NOC4L: variants seen among roughly 807,000 people sequenced by gnomAD.
NOC4L encodes nucleolar complex associated 4 homolog.
NOC4L carries 40 observed loss-of-function variants against 62.8 expected under a neutral mutation model. That is an observed-to-expected ratio of 0.64 (90% CI 0.49 to 0.83). The LOEUF is 0.83. Ranked by LOEUF, NOC4L falls within the 40% of genes least tolerant of loss-of-function variation. The probability of loss-of-function intolerance (pLI) is 0.00; values close to 1 mark genes in which losing one functional copy is unlikely to be tolerated. For synonymous variants in NOC4L, 433 were observed against 299.8 expected, an observed-to-expected ratio of 1.44 and a Z score of -4.59; for missense variants, 927 against 701.9, an observed-to-expected ratio of 1.32 and a Z score of -3.62.
At chr12:132,147,241 G>T (rs548162456) in intron 3 of NOC4L, 40 bp from the exon 4 acceptor site, 3 of 1,419,442 alleles carry the variant, frequency 2.1e-6, no homozygotes, top group Admixed American at 2.6e-5. Flanking sequence ...CATCCGTGGG[G>T]TGAGGGCATC....
intron 4 of NOC4L, 32 bp from the exon 5 acceptor site, chr12:132,147,601 G>C (rs201201651): frequency 5.2e-5 from 84 of 1,608,884 alleles, no homozygotes; most frequent in Non-Finnish European, 7.0e-5. Context: ...ATGCTGGGCC[G>C]GGCAGGGCTG....
chr12:132,151,499 C>T lies in NOC4L; in HGVS notation c.1089C>T (p.Tyr363=). 1.2e-6 allele frequency: 2 copies of T among 1,604,254 alleles called. No homozygotes were observed. Among genetic ancestry groups the T allele is most frequent in the Non-Finnish European group, 8.5e-7 (1 of 1,179,218 alleles). ...CCCTGCCCAGCCACCTCCCCGCCTA[C>T]CTGGTGGCCGCCTTCGCCAAGCGGC... is the stretch of plus-strand genomic sequence containing the variant. The part of the protein sequence containing the change: ...LFLSSSHLPA[Y]LVAAFAKRLA... The change falls in exon 12 of 15, where the codon TAC becomes TAT. Residue 363 remains tyrosine (Y), a synonymous_variant. Coordinates refer to ENST00000330579, the MANE Select transcript of NOC4L (RefSeq NM_024078.3).
rs1230959598 is a variant in NOC4L at position 132,145,020 on chromosome 12, C to T, written c.238+46C>T. On this transcript the variant is annotated intron_variant, in intron 2 of 14. Transcript: ENST00000330579. ...GGGCTGCTCTTCTCTTTCCGTGGGT[C>T]GGAGGGAGGCTTTGTCACCATGGGA... 4 of 1,543,884 alleles carry T rather than the reference C, an allele frequency of 2.6e-6. No homozygotes were observed. In the South Asian group the frequency reaches 3.6e-5, roughly 14 times the overall value.
Position 132,151,166 on chromosome 12 carries a change from C to T in NOC4L, c.963-92C>T, listed in dbSNP as rs540301981. On this transcript the variant is annotated intron_variant, in intron 10 of 14. Coordinates refer to ENST00000330579, the MANE Select transcript of NOC4L (RefSeq NM_024078.3). ...AGGCCATGGTGTTGGAGTCCCTGGG[C>T]GGGAGGAAGGGGCGCCGAGTGAGAC... 1.0e-4 allele frequency: 147 copies of T among 1,422,784 alleles called. 1 individual carries two copies. In the South Asian group the frequency reaches 1.1e-3, roughly 11 times the overall value. 88.1% of individuals were successfully genotyped at this position (1,422,784 alleles called of 1,614,324 possible).
In NOC4L at chr12:132,145,590, G is replaced by A. The variant is rs74440366; in HGVS notation, c.270G>A (p.Val90=). Residue 90 remains valine (V), a synonymous_variant, in exon 3 of 15, where the codon GTG becomes GTA. Coordinates refer to ENST00000330579, the MANE Select transcript of NOC4L (RefSeq NM_024078.3). The part of the protein sequence containing the change: ...GSQGATRKYK[V]WMRHRYHSCC... The stretch of plus-strand genomic sequence containing the variant: ...AGGGAGCCACACGGAAGTACAAGGT[G>A]TGGATGAGACACCGCTATCACAGCT... 40 of 1,613,430 alleles carry A rather than the reference G, an allele frequency of 2.5e-5. No individual in the cohort carries two copies. In the East Asian group the frequency reaches 2.9e-4, roughly 12 times the overall value.
At chr12:132,149,133 A>G (rs79564915) in intron 9 of NOC4L, among the ~76,000 whole-genome samples, 62 of 25,838 alleles carry the variant, frequency 2.4e-3, no homozygotes, top group African/African-American at 7.1e-3. Flanking sequence ...CCGCCGCCTC[A>G]CTCCTACCAC....
intron 10 of NOC4L, 95 bp from the exon 11 acceptor site, chr12:132,151,163 G>A: frequency 2.8e-6 from 4 of 1,424,432 alleles, no homozygotes; most frequent in Non-Finnish European, 3.9e-6. Context: ...TGGAGTCCCT[G>A]GGCGGGAGGA....
In NOC4L at chr12:132,151,604, C is replaced by A; in HGVS notation, c.1194C>A (p.His398Gln). ...TCATCTGTAACCTGCTGCGCCGGCA[C>A]CCTGCCTGCCGGGTCCTCGTGCACC... Reference protein sequence around the residue: ...LPFICNLLRRHPACRVLVHRP... With the variant: ...LPFICNLLRRQPACRVLVHRP... The change falls in exon 12 of 15, where the codon CAC (histidine) becomes CAA (glutamine). Residue 398 changes from histidine (H) to glutamine (Q), a missense_variant. Transcript: ENST00000330579. The A allele has an allele frequency of 6.2e-7, 1 of 1,611,636 alleles. No individual in the cohort carries two copies. The highest frequency in any genetic ancestry group is 2.2e-5 in the East Asian group (1 of 44,842).
At chr12:132,148,528 G>C in intron 7 of NOC4L, 81 bp from the exon 8 acceptor site, 1 of 1,477,478 alleles carries the variant, frequency 6.8e-7, no homozygotes. Context: ...GCTCAGGCTG[G>C]GCTTCGGGGT....
intron 11 of NOC4L, 35 bp from the exon 12 acceptor site, chr12:132,151,449 T>C (rs1484403114): frequency 2.5e-6 from 4 of 1,599,678 alleles, no homozygotes; most frequent in African/African-American, 1.3e-5. Context: ...GGGCTAGCAG[T>C]CCGGGCCCTG....
At position 132,152,136 on chromosome 12, in the gene NOC4L, A is replaced by C; in HGVS notation, c.1370A>C (p.Asn457Thr). ...GTGTCCAAAGCCGCCAGCGTCATCA[A>C]CCAGGCCCTGTCCATGCCTGAGGTC... is the stretch of plus-strand genomic sequence containing the variant. ...PEVSKAASVINQALSMPEVSI... is the reference protein window; with the variant it reads ...PEVSKAASVITQALSMPEVSI... Residue 457 changes from asparagine (N) to threonine (T), a missense_variant, in exon 14 of 15, where the codon AAC becomes ACC. Coordinates refer to ENST00000330579, the MANE Select transcript of NOC4L (RefSeq NM_024078.3). 4 of 1,612,380 alleles carry C rather than the reference A, an allele frequency of 2.5e-6. No individual in the cohort carries two copies. The highest frequency in any genetic ancestry group is 3.4e-6 in the Non-Finnish European group (4 of 1,179,840).
Position 132,152,306 on chromosome 12 carries a change from A to C in NOC4L, c.1456A>C (p.Lys486Gln). Residue 486 changes from lysine to glutamine, a missense_variant, in exon 15 of 15, where the codon AAG (lysine) becomes CAG (glutamine). Coordinates refer to ENST00000330579, the MANE Select transcript of NOC4L (RefSeq NM_024078.3). ...YEIFERDLKK[K>Q]GPEPVPLEFI... ...GATCTTTGAGCGGGACCTGAAGAAG[A>C]AGGGGCCCGAGCCGGTGCCACTGGA... 6.4e-7 allele frequency: 1 copy of C among 1,559,750 alleles called. No individual in the cohort carries two copies. Among genetic ancestry groups the C allele is most frequent in the South Asian group, 1.2e-5 (1 of 85,396 alleles).
In NOC4L at chr12:132,144,502, C is replaced by A; in HGVS notation, c.14C>A (p.Pro5Gln). The change falls in exon 1 of 15, where the codon CCG becomes CAG. Residue 5 changes from proline (P) to glutamine (Q), a missense_variant. By Grantham distance (76) the Pro-to-Gln change is moderately conservative. Coordinates refer to ENST00000330579, the MANE Select transcript of NOC4L (RefSeq NM_024078.3). MERE[P>Q]GAAGVRRALG... Reference sequence around the variant, plus strand: ...GTTGGGGGCGGCATGGAGCGGGAGCCGGGCGCCGCGGGAGTTCGCCGGGCT... The same window carrying A: ...GTTGGGGGCGGCATGGAGCGGGAGCAGGGCGCCGCGGGAGTTCGCCGGGCT... 6.6e-7 allele frequency: 1 copy of A among 1,519,526 alleles called. No homozygotes were observed. Among genetic ancestry groups the A allele is most frequent in the East Asian group, 2.6e-5 (1 of 38,124 alleles). 94.1% of individuals were successfully genotyped at this position (1,519,526 alleles called of 1,614,324 possible).
At chr12:132,146,158 C>G (rs1323491451) in intron 3 of NOC4L, 4 of 443,616 alleles carry the variant, frequency 9.0e-6, no homozygotes, top group African/African-American at 6.0e-5. Flanking sequence ...CTTCCATATC[C>G]CGCCCCTTTC....
rs745942086 is a variant in NOC4L at position 132,144,888 on chromosome 12, G to T, written c.152G>T (p.Arg51Leu). The change falls in exon 2 of 15, where the codon CGC becomes CTC. Residue 51 changes from arginine (R) to leucine (L), a missense_variant. Transcript: ENST00000330579. ...EDQEEIQEAV[R>L]TCSRLFGALL... ...CAGGAGGAGATCCAGGAAGCAGTCC[G>T]CACGTGCAGCCGTCTTTTCGGGGCC... The T allele has an allele frequency of 1.2e-5, 20 of 1,602,012 alleles. No homozygotes were observed. The highest frequency in any genetic ancestry group is 1.6e-5 in the Non-Finnish European group (19 of 1,175,822).
intron 2 of NOC4L, 87 bp downstream of exon 2, chr12:132,145,061 C>A: frequency 6.8e-7 from 1 of 1,474,354 alleles, no homozygotes; most frequent in Non-Finnish European, 9.0e-7. Flanking sequence ...GCCCCCAACC[C>A]TGGCACAGGC....
chr12:132,151,530 C>A lies in NOC4L; in HGVS notation c.1120C>A (p.Arg374Ser). The change falls in exon 12 of 15, where the codon CGC (arginine) becomes AGC (serine). Residue 374 changes from arginine to serine, a missense_variant. Arg to Ser is a moderately radical substitution (Grantham distance 110, BLOSUM62 -1). Transcript: ENST00000330579. ...LVAAFAKRLA[R>S]LALTAPPEAL... ...GGCCGCCTTCGCCAAGCGGCTGGCC[C>A]GCCTGGCCCTGACGGCTCCCCCTGA... 6.2e-7 allele frequency: 1 copy of A among 1,607,860 alleles called. No homozygotes were observed. The highest frequency in any genetic ancestry group is 1.1e-5 in the South Asian group (1 of 90,930).
chr12:132,144,985 G>A lies in NOC4L; in HGVS notation c.238+11G>A. 1 of 1,589,834 alleles carries A rather than the reference G, an allele frequency of 6.3e-7. No homozygotes were observed. Among genetic ancestry groups the A allele is most frequent in the East Asian group, 2.3e-5 (1 of 43,964 alleles). On this transcript the variant is annotated intron_variant, in intron 2 of 14. Coordinates refer to ENST00000330579, the MANE Select transcript of NOC4L (RefSeq NM_024078.3). ...AGATGGTCATGACAGGTGAGCCCTG[G>A]AGGGCCCCGGGGCTGCTCTTCTCTT...
At chr12:132,145,744 G>T in intron 3 of NOC4L, 79 bp downstream of exon 3, 1 of 999,996 alleles carries the variant, frequency 1.0e-6, no homozygotes, top group Non-Finnish European at 1.5e-6. Context: ...AGAGGTCTGG[G>T]GCTCCCACAA....
Sources: allele counts gnomAD v4.1 joint callset (sites outside exome capture counted in the v4.1 genomes callset), GRCh38; gene constraint gnomAD v4.1.1; transcripts MANE v1.5; gene names NCBI Gene and HGNC (gene_info 2026-07-23, HGNC 2026-07-21).